The following ITPKB variants were observed in gnomAD, a reference collection of about 807,000 sequenced individuals.
ITPKB encodes inositol-trisphosphate 3-kinase B.
ITPKB carries 13 observed loss-of-function variants against 69.4 expected under a neutral mutation model. That is an observed-to-expected ratio of 0.19 (90% CI 0.12 to 0.30). ITPKB has a LOEUF of 0.30. ITPKB is among the 10% of genes least tolerant of loss of function. The pLI is 1.00. For synonymous variants in ITPKB, 584 were observed against 513.7 expected (o/e 1.14, Z -1.85); for missense variants, 1,240 against 1,250.5 (o/e 0.99, Z 0.13).
chr1:226,639,705 C>T (rs369745335), intron 5 of ITPKB, 47 bp from the exon 6 acceptor site: 90 of 1,272,414 alleles, frequency 7.1e-5, no homozygotes, highest in Admixed American at 1.0e-4. Context: ...CAGGGACCCT[C>T]GGGCAGAAAC....
chr1:226,719,035 G>A (rs1167507446), intron 2 of ITPKB, among the ~76,000 whole-genome samples: 1 of 152,220 alleles, frequency 6.6e-6, no homozygotes, highest in Non-Finnish European at 1.5e-5. Flanking sequence ...AGCACTTTGG[G>A]AGGCCGAGGC....
intron 2 of ITPKB, among the ~76,000 whole-genome samples, chr1:226,671,106 T>C (rs1304372454): frequency 6.6e-6 from 1 of 152,214 alleles, no homozygotes; most frequent in Non-Finnish European, 1.5e-5. Context: ...GTAGGTTCTG[T>C]GAGCTCAGGA....
At position 226,735,904 on chromosome 1, in the gene ITPKB, C is replaced by T; in HGVS notation, c.1555G>A (p.Ala519Thr). The T allele has an allele frequency of 6.2e-7, 1 of 1,613,480 alleles. No homozygotes were observed. Among genetic ancestry groups the T allele is most frequent in the Non-Finnish European group, 8.5e-7 (1 of 1,179,540 alleles). ...WQGTMEKAGL[A>T]WTRGTGVQSE... Reference sequence around the variant, plus strand: ...TGCACCCCTGTGCCACGCGTCCAAGCCAAACCGGCTTTCTCCATGGTGCCC... The same window carrying T: ...TGCACCCCTGTGCCACGCGTCCAAGTCAAACCGGCTTTCTCCATGGTGCCC... Residue 519 changes from alanine (A) to threonine (T), a missense_variant, in exon 2 of 8, where the codon GCT (alanine) becomes ACT (threonine). Around this residue, in one of 2 missense-constraint regions of ITPKB, gnomAD observed 992 missense variants for 853.8 expected, o/e 1.16. Transcript: ENST00000429204.
chr1:226,644,179 A>G (rs1669018602), intron 4 of ITPKB, among the ~76,000 whole-genome samples: 1 of 152,236 alleles, frequency 6.6e-6, no homozygotes, highest in Admixed American at 6.5e-5. Context: ...GCAGTCACTC[A>G]CTGCCCAGGA....
intron 2 of ITPKB, among the ~76,000 whole-genome samples, chr1:226,698,400 G>A (rs571292452): frequency 3.3e-5 from 5 of 152,338 alleles, no homozygotes; most frequent in East Asian, 3.9e-4. Context: ...TCAGAGTATG[G>A]AGGCACTGGG....
chr1:226,661,089 C>T (rs1426993171), intron 2 of ITPKB, among the ~76,000 whole-genome samples: 1 of 152,244 alleles, frequency 6.6e-6, no homozygotes, highest in Non-Finnish European at 1.5e-5. Context: ...CCGCAGAGTC[C>T]ATCTTGGGCC....
intron 2 of ITPKB, among the ~76,000 whole-genome samples, chr1:226,694,324 G>A (rs1408752520): frequency 1.3e-5 from 2 of 152,166 alleles, no homozygotes; most frequent in African/African-American, 4.8e-5. Flanking sequence ...ACCCCTAGAG[G>A]CTACTGATAA....
intron 6 of ITPKB, among the ~76,000 whole-genome samples, chr1:226,639,240 T>C (rs1018180485): frequency 1.5e-4 from 23 of 152,104 alleles, no homozygotes; most frequent in African/African-American, 5.6e-4. Context: ...GTGTTTTTAG[T>C]AAAGATGGAG....
intron 2 of ITPKB, among the ~76,000 whole-genome samples, chr1:226,728,898 C>T (rs988316013): frequency 1.3e-5 from 2 of 152,224 alleles, no homozygotes; most frequent in African/African-American, 2.4e-5. Context: ...AACAAACTTG[C>T]ATTCCCAGGG....
At chr1:226,706,524 T>C (rs1246088390) in intron 2 of ITPKB, among the ~76,000 whole-genome samples, 1 of 152,200 alleles carries the variant, frequency 6.6e-6, no homozygotes, top group Non-Finnish European at 1.5e-5. Context: ...GCCTGTGAAA[T>C]GTGCCTCTCT....
chr1:226,726,364 A>G (rs1657413306), intron 2 of ITPKB, among the ~76,000 whole-genome samples: 1 of 152,218 alleles, frequency 6.6e-6, no homozygotes, highest in Admixed American at 6.5e-5. Context: ...GAGAAAGGTT[A>G]AGAAAAAGAG....
chr1:226,684,800 G>C (rs1222747851), intron 2 of ITPKB, among the ~76,000 whole-genome samples: 2 of 152,124 alleles, frequency 1.3e-5, no homozygotes, highest in East Asian at 3.9e-4. Context: ...AAGTACAGAG[G>C]GCCCCAAAGA....
Position 226,719,124 on chromosome 1 carries a change from A to C in ITPKB, c.1932+16403T>G, listed in dbSNP as rs140474927. On this transcript the variant is annotated intron_variant, in intron 2 of 7. Coordinates refer to ENST00000429204, the MANE Select transcript of ITPKB (RefSeq NM_002221.4). ...AACCCCGTCTCTACTAAAAAACACAAAAAAAGTAGCCAGTTGTGGTGGCGT... is the reference window on the plus strand; with the variant it reads ...AACCCCGTCTCTACTAAAAAACACACAAAAAGTAGCCAGTTGTGGTGGCGT... Among the ~76,000 whole-genome samples the C allele has an allele frequency of 6.9e-3, 1,045 of 152,234 alleles. 4 individuals carry two copies. The highest frequency in any genetic ancestry group is 0.01 in the Non-Finnish European group (695 of 68,006).
chr1:226,722,215 T>A, intron 2 of ITPKB, among the ~76,000 whole-genome samples: 1 of 152,330 alleles, frequency 6.6e-6, no homozygotes, highest in East Asian at 1.9e-4. Flanking sequence ...TGCCACCTGG[T>A]ACATTCAGGG....
chr1:226,685,586 C>T (rs1256160968), intron 2 of ITPKB, among the ~76,000 whole-genome samples: 1 of 152,198 alleles, frequency 6.6e-6, no homozygotes, highest in African/African-American at 2.4e-5. Context: ...TCTGCACCCA[C>T]ACGGCATGAC....
Position 226,669,883 on chromosome 1 carries a change from T to C in ITPKB, c.1933-21112A>G, listed in dbSNP as rs575399380. On this transcript the variant is annotated intron_variant, in intron 2 of 7. Transcript: ENST00000429204. ...TTTTGGTTTGTTTTTTTTTTGTTTTTGTTTTTCTGAGATGTTGTCTCGAAC... is the reference window on the plus strand; with the variant it reads ...TTTTGGTTTGTTTTTTTTTTGTTTTCGTTTTTCTGAGATGTTGTCTCGAAC... Among the ~76,000 whole-genome samples, 253 of 151,674 alleles carry C rather than the reference T, an allele frequency of 1.7e-3. 2 individuals carry two copies. Among genetic ancestry groups the C allele is most frequent in the African/African-American group, 5.9e-3 (246 of 41,464 alleles).
chr1:226,648,431 C>T (rs967825125), intron 3 of ITPKB, among the ~76,000 whole-genome samples: 1 of 139,908 alleles, frequency 7.1e-6, no homozygotes, highest in South Asian at 2.5e-4. Flanking sequence ...AGCCAGAGAC[C>T]GAGGGAGGGG....
chr1:226,730,760 T>C (rs145636944), intron 2 of ITPKB, among the ~76,000 whole-genome samples: 238 of 152,286 alleles, frequency 1.6e-3, no homozygotes, highest in African/African-American at 5.2e-3. Context: ...CTAAACAATG[T>C]TGTCAATACT....
intron 4 of ITPKB, among the ~76,000 whole-genome samples, chr1:226,646,392 T>C (rs1216564207): frequency 6.6e-6 from 1 of 152,150 alleles, no homozygotes. Flanking sequence ...TGCCTAAAAC[T>C]GAGCCCCGAG....
Sources: gnomAD v4.1 joint callset for allele counts (sites outside exome capture counted in the v4.1 genomes callset) on GRCh38, gnomAD v4.1.1 for gene constraint, gnomAD v4.1.1 regional missense constraint, MANE v1.5 for transcripts, NCBI Gene and HGNC (gene_info 2026-07-23, HGNC 2026-07-21) for gene names.